Variants in C5orf52 observed in about 807,000 individuals in gnomAD.
C5orf52 encodes uncharacterized protein C5orf52.
A neutral mutation model predicts 16.8 loss-of-function variants in C5orf52; 15 were observed. The ratio of observed to expected loss-of-function variants is 0.89; its 90% CI spans 0.60 to 1.38. The LOEUF (loss-of-function observed/expected upper bound fraction) is 1.38. Ranked by LOEUF, C5orf52 falls within the 40% of genes most tolerant of loss-of-function variation. C5orf52 has a pLI of 0.00. For missense variants in C5orf52, 206 were observed against 213.1 expected, an observed-to-expected ratio of 0.97 and a Z score of 0.21; for synonymous variants, 83 against 87.2, an observed-to-expected ratio of 0.95 and a Z score of 0.27.
At position 157,673,345 on chromosome 5, in the gene C5orf52, A is replaced by T. The variant is rs942390698; in HGVS notation, c.212+1519A>T. Reference sequence around the variant, plus strand: ...GAGTGAGATCCCATCTCAAAGAAATAAAAATAAAATAAAATAAGAAAAATA... The same window carrying T: ...GAGTGAGATCCCATCTCAAAGAAATTAAAATAAAATAAAATAAGAAAAATA... On this transcript the variant is annotated intron_variant, in intron 1 of 2. Transcript: ENST00000409999. Among the ~76,000 whole-genome samples the T allele has an allele frequency of 3.9e-5, 5 of 126,852 alleles. No homozygotes were observed. The East Asian group carries it at 1.0e-3, about 26-fold the overall frequency. 83.2% of individuals were successfully genotyped at this position (126,852 alleles called of 152,430 possible).
In C5orf52 at chr5:157,675,198, G is replaced by C. The variant is rs1759873517; in HGVS notation, c.319G>C (p.Glu107Gln). 1 of 1,529,968 alleles carries C rather than the reference G, an allele frequency of 6.5e-7. No homozygotes were observed. Among genetic ancestry groups the C allele is most frequent in the African/African-American group, 1.4e-5 (1 of 72,054 alleles). 94.8% of individuals were successfully genotyped at this position (1,529,968 alleles called of 1,614,324 possible). A position where few individuals can be genotyped will look rare whatever the true frequency, so the allele number is the denominator to read the frequency against. Reference protein sequence around the residue: ...NRITQRIYEMEVSALEKTKKK... With the variant: ...NRITQRIYEMQVSALEKTKKK... The stretch of plus-strand genomic sequence containing the variant: ...CATCACACAACGAATCTATGAGATG[G>C]AGGTAAAGTAGCCACAAGCTTTTGC... Residue 107 changes from glutamate (E) to glutamine (Q), a missense_variant and splice_region_variant, in exon 2 of 3, where the codon GAG becomes CAG. Coordinates refer to ENST00000409999, the MANE Select transcript of C5orf52 (RefSeq NM_001145132.2).
intron 1 of C5orf52, among the ~76,000 whole-genome samples, chr5:157,673,388 G>T (rs565752667): frequency 2.4e-4 from 36 of 151,904 alleles, no homozygotes; most frequent in Non-Finnish European, 4.9e-4. Context: ...CAGCATGATT[G>T]GCTAGGGACA....
chr5:157,673,783 T>A (rs955848888), intron 1 of C5orf52, among the ~76,000 whole-genome samples: 1 of 152,118 alleles, frequency 6.6e-6, no homozygotes, highest in African/African-American at 2.4e-5. Context: ...TAGCTGGGAT[T>A]ACAGGCGCTC....
chr5:157,679,228 TC>T (rs1484142312), intron 2 of C5orf52, among the ~76,000 whole-genome samples: 1 of 152,168 alleles, frequency 6.6e-6, no homozygotes, highest in African/African-American at 2.4e-5. Flanking sequence ...TTTCTTAGTA[TC>T]CTCTCCTGTA....
chr5:157,675,053 C>A, intron 1 of C5orf52, 39 bp from the exon 2 acceptor site: 1 of 1,382,176 alleles, frequency 7.2e-7, no homozygotes, highest in African/African-American at 1.4e-5. Flanking sequence ...CAGGCCCCAA[C>A]CGTCTGTAAC....
chr5:157,679,855 G>A lies in C5orf52; in HGVS notation c.336G>A (p.Glu112=). 1 of 1,550,950 alleles carries A rather than the reference G, an allele frequency of 6.4e-7. No individual in the cohort carries two copies. The highest frequency in any genetic ancestry group is 1.7e-4 in the Middle Eastern group (1 of 5,990). The change falls in exon 3 of 3, where the codon GAG becomes GAA. Residue 112 remains glutamate, a synonymous_variant. Transcript: ENST00000409999. ...TTTTTTGTAAGGTGAGCGCTTTAGA[G>A]AAGACCAAGAAAAAGATCAGCCACT... ...RIYEMEVSAL[E]KTKKKISHYY... is the part of the protein sequence containing the mutation.
At chr5:157,674,849 A>G (rs4704747) in intron 1 of C5orf52, among the ~76,000 whole-genome samples, 128,820 of 152,204 alleles carry the variant, frequency 0.85, 55,077 homozygotes, top group East Asian at 0.97. Flanking sequence ...GGACTGCACT[A>G]GGCCATTTTA....
chr5:157,679,943 GA>G lies in C5orf52; in HGVS notation c.425del (p.Glu142GlyfsTer4), dbSNP rs748321176. The G allele has an allele frequency of 6.7e-4, 1,044 of 1,551,718 alleles. 2 individuals are homozygous for G. Among genetic ancestry groups the G allele is most frequent in the Non-Finnish European group, 8.5e-4 (973 of 1,147,000 alleles). Reference sequence around the variant, plus strand: ...GCTCAGAAAGCTCGGGCGATGGAGAGAGGAATCCGTGAACAGCAACCGGTAC... The same window carrying G: ...GCTCAGAAAGCTCGGGCGATGGAGAGGGAATCCGTGAACAGCAACCGGTAC... ...EQLRKLGRWR[E>X]ESVNSNRYLT... On this transcript the variant is annotated frameshift_variant, in exon 3 of 3. Coordinates refer to ENST00000409999, the MANE Select transcript of C5orf52 (RefSeq NM_001145132.2). LOFTEE classifies it high-confidence loss of function.
intron 2 of C5orf52, among the ~76,000 whole-genome samples, chr5:157,675,782 T>C (rs1195011654): frequency 6.6e-6 from 1 of 152,178 alleles, no homozygotes; most frequent in African/African-American, 2.4e-5. Context: ...CAACACCATC[T>C]TGTCAATTTT....
At chr5:157,672,405 CA>C (rs1382420027) in intron 1 of C5orf52, among the ~76,000 whole-genome samples, 1 of 152,142 alleles carries the variant, frequency 6.6e-6, no homozygotes, top group Non-Finnish European at 1.5e-5. Flanking sequence ...CAATTTGGTT[CA>C]AAATGACCTT....
chr5:157,671,447 C>T, upstream of C5orf52: 1 of 614,912 alleles, frequency 1.6e-6, no homozygotes, highest in South Asian at 2.1e-5. Flanking sequence ...CACGCATGTC[C>T]AACAGCCCCC....
At chr5:157,677,085 G>T (rs1204530438) in intron 2 of C5orf52, among the ~76,000 whole-genome samples, 1 of 151,992 alleles carries the variant, frequency 6.6e-6, no homozygotes, top group African/African-American at 2.4e-5. Context: ...GCCCAGGCTG[G>T]CCTCAAACTC....
chr5:157,671,040 G>C (rs1158035690), upstream of C5orf52, among the ~76,000 whole-genome samples: 1 of 152,184 alleles, frequency 6.6e-6, no homozygotes, highest in Non-Finnish European at 1.5e-5. Context: ...TCAAGACCCC[G>C]CAGGAGATGG....
chr5:157,678,709 C>G (rs1158944490), intron 2 of C5orf52, among the ~76,000 whole-genome samples: 1 of 152,146 alleles, frequency 6.6e-6, no homozygotes, highest in East Asian at 1.9e-4. Context: ...GAGCCACCTG[C>G]CTTGGCCCCC....
intron 2 of C5orf52, among the ~76,000 whole-genome samples, chr5:157,676,861 C>CTTTTTT (rs61514085): frequency 2.2e-5 from 3 of 134,878 alleles, no homozygotes; most frequent in African/African-American, 2.9e-5. Flanking sequence ...TTTTAATTTC[C>CTTTTTT]TTTTTTTTTC....
intron 1 of C5orf52, among the ~76,000 whole-genome samples, chr5:157,674,143 T>G (rs1192292252): frequency 2.0e-5 from 3 of 151,450 alleles, no homozygotes; most frequent in Non-Finnish European, 4.4e-5. Context: ...CCCCACCCCA[T>G]CTTTCACCTC....
Position 157,674,598 on chromosome 5 carries a change from T to C in C5orf52, c.213-494T>C, listed in dbSNP as rs148917842. Among the ~76,000 whole-genome samples the C allele has an allele frequency of 5.3e-3, 813 of 152,178 alleles. 5 individuals are homozygous for C. Among genetic ancestry groups the C allele is most frequent in the African/African-American group, 0.019 (780 of 41,504 alleles). Reference sequence around the variant, plus strand: ...GCCTGTCCAACATGGTGAAACCCCGTCTCTACTAAAAGTACAAAAATTAGC... The same window carrying C: ...GCCTGTCCAACATGGTGAAACCCCGCCTCTACTAAAAGTACAAAAATTAGC... On this transcript the variant is annotated intron_variant, in intron 1 of 2. Transcript: ENST00000409999.
At chr5:157,672,608 A>C (rs994289975) in intron 1 of C5orf52, among the ~76,000 whole-genome samples, 2 of 152,130 alleles carry the variant, frequency 1.3e-5, no homozygotes, top group African/African-American at 2.4e-5. Flanking sequence ...CTTGATCTCT[A>C]AACCAGCCTT....
chr5:157,671,908 T>G, intron 1 of C5orf52, 82 bp downstream of exon 1: 1 of 963,468 alleles, frequency 1.0e-6, no homozygotes, highest in Non-Finnish European at 1.5e-6. Flanking sequence ...GCGCTCCCCT[T>G]AGCCGGACCC....
Sources: allele counts gnomAD v4.1 joint callset (sites outside exome capture counted in the v4.1 genomes callset), GRCh38; gene constraint gnomAD v4.1.1; transcripts MANE v1.5; gene names NCBI Gene and HGNC (gene_info 2026-07-23, HGNC 2026-07-21).